Variants in SYTL1 observed in about 807,000 individuals in gnomAD.
The protein encoded by SYTL1 is synaptotagmin like 1.
A neutral mutation model predicts 74.6 loss-of-function variants in SYTL1; 53 were observed. The observed-to-expected ratio is 0.71, with a 90% CI of 0.57 to 0.89. SYTL1 has a LOEUF of 0.89. Ranked by LOEUF, SYTL1 falls within the 40% of genes least tolerant of loss-of-function variation. The probability of loss-of-function intolerance (pLI) is 0.00; values close to 1 mark genes in which losing one functional copy is unlikely to be tolerated. For synonymous variants in SYTL1, 329 were observed against 324.9 expected, an observed-to-expected ratio of 1.01 and a Z score of -0.14; for missense variants, 728 against 768.7, an observed-to-expected ratio of 0.95 and a Z score of 0.63.
chr1:27,346,784 G>A (rs2015021376), intron 2 of SYTL1, among the ~76,000 whole-genome samples: 4 of 151,512 alleles, frequency 2.6e-5, no homozygotes, highest in South Asian at 2.1e-4. Flanking sequence ...AAAATTAAAA[G>A]TATAATAATT....
chr1:27,344,292 G>A (rs907163428), intron 1 of SYTL1, among the ~76,000 whole-genome samples: 6 of 152,008 alleles, frequency 3.9e-5, no homozygotes, highest in Non-Finnish European at 7.4e-5. Context: ...TAGTAGAGAC[G>A]GGGTTTCTCC....
chr1:27,349,040 C>A, intron 5 of SYTL1, 40 bp from the exon 6 acceptor site: 1 of 1,507,028 alleles, frequency 6.6e-7, no homozygotes, highest in Non-Finnish European at 9.2e-7. Context: ...TCTTCCTCAC[C>A]AGCCCCCGTA....
chr1:27,347,424 G>T lies in SYTL1; in HGVS notation c.195G>T (p.Lys65Asn). ...LRQLEEGRVS[K>N]LRASVADPGQ... ...CACACCCTCCCCCTTCCTCCAGCAA[G>T]CTCCGGGCCTCAGTGGCAGACCCTG... Residue 65 changes from lysine (K) to asparagine (N), a missense_variant, in exon 3 of 15, where the codon AAG becomes AAT. Transcript: ENST00000616558. The surrounding 1 kb of genome is among the most constrained non-coding windows in gnomAD (Gnocchi z 4.9). 6.2e-7 allele frequency: 1 copy of T among 1,614,078 alleles called. No individual in the cohort carries two copies. Among genetic ancestry groups the T allele is most frequent in the Non-Finnish European group, 8.5e-7 (1 of 1,180,032 alleles).
At chr1:27,353,165 G>C in intron 13 of SYTL1, 118 bp from the exon 14 acceptor site, 1 of 1,055,912 alleles carries the variant, frequency 9.5e-7, no homozygotes, top group East Asian at 2.6e-5. Flanking sequence ...TCTAAGGCCA[G>C]GCAGGCAGGA....
intron 8 of SYTL1, 76 bp downstream of exon 8, chr1:27,349,841 C>T: frequency 6.5e-7 from 1 of 1,538,744 alleles, no homozygotes; most frequent in South Asian, 1.2e-5. Flanking sequence ...CTGCCCCTCC[C>T]TCGCCGCGGG....
At chr1:27,346,222 G>A (rs896836691) in intron 2 of SYTL1, among the ~76,000 whole-genome samples, 4 of 151,984 alleles carry the variant, frequency 2.6e-5, no homozygotes, top group Non-Finnish European at 4.4e-5. Flanking sequence ...ACTCCGACCC[G>A]ACACACAGAC....
Position 27,347,918 on chromosome 1 carries a change from CCAGTCA to C in SYTL1, c.413+40_414-42del. ...CTCAGGAAGGGGGAGATGGTGCCCA[CCAGTCA>C]CCAGGGTCCCTCCCTCTGAGAGCGT... is the stretch of plus-strand genomic sequence containing the variant. On this transcript the variant is annotated intron_variant, in intron 4 of 14. Transcript: ENST00000616558. This position sits in a 1 kb window ranked among gnomAD's most constrained non-coding sequence, Gnocchi z 4.9. 6.2e-7 allele frequency: 1 copy of C among 1,613,214 alleles called. No homozygotes were observed. The highest frequency in any genetic ancestry group is 8.5e-7 in the Non-Finnish European group (1 of 1,179,142).
chr1:27,346,445 G>A (rs1357229790), intron 2 of SYTL1, among the ~76,000 whole-genome samples: 1 of 152,174 alleles, frequency 6.6e-6, no homozygotes, highest in African/African-American at 2.4e-5. Context: ...TGTAAAATGG[G>A]GCTAAGGAGT....
rs75465221 is a variant in SYTL1, at chr1:27,342,754, C to T, written c.-39+604C>T. ...AGCAACTACACAGCTCACAGACTCA[C>T]GCAACGCAGACATGCCCACCAGACT... On this transcript the variant is annotated intron_variant, in intron 1 of 14. Transcript: ENST00000616558. This position sits in a 1 kb window ranked among gnomAD's most constrained non-coding sequence, Gnocchi z 4.7. Among the ~76,000 whole-genome samples the T allele has an allele frequency of 4.5e-3, 690 of 152,340 alleles. 1 individual carries two copies. The highest frequency in any genetic ancestry group is 0.01 in the Middle Eastern group (3 of 294).
intron 13 of SYTL1, chr1:27,353,081 C>T (rs1388001632): frequency 2.3e-5 from 14 of 610,590 alleles, no homozygotes; most frequent in East Asian, 2.0e-4. Flanking sequence ...CAACCTCGCC[C>T]GGCCAGGAGC....
In SYTL1 at chr1:27,342,416, G is replaced by T. The variant is rs559136174; in HGVS notation, c.-39+266G>T. On this transcript the variant is annotated intron_variant, in intron 1 of 14. Coordinates refer to ENST00000616558, the MANE Select transcript of SYTL1 (RefSeq NM_001193308.2). The surrounding 1 kb of genome is among the most constrained non-coding windows in gnomAD (Gnocchi z 4.7). ...GTAGGAGAGGGGACTTCAGGGAGGGGGCACTGCTGAGGACGCTGGGCTGAT... is the reference window on the plus strand; with the variant it reads ...GTAGGAGAGGGGACTTCAGGGAGGGTGCACTGCTGAGGACGCTGGGCTGAT... 103 of 842,262 alleles carry T rather than the reference G, an allele frequency of 1.2e-4. 2 individuals are homozygous for T. In the South Asian group the frequency reaches 3.8e-3, roughly 31 times the overall value. The allele number at this position is 842,262 out of a possible 1,614,324, so 52.2% of individuals were successfully genotyped here.
rs763655530 is a variant in SYTL1 at position 27,350,032 on chromosome 1, G to A, written c.808G>A (p.Val270Met). Residue 270 changes from valine (V) to methionine (M), a missense_variant, in exon 9 of 15, where the codon GTG (valine) becomes ATG (methionine). Physicochemically the swap from Val to Met is conservative, Grantham distance 21. Coordinates refer to ENST00000616558, the MANE Select transcript of SYTL1 (RefSeq NM_001193308.2). The surrounding 1 kb of genome is among the most constrained non-coding windows in gnomAD (Gnocchi z 6.3). ...GGAGGCGGTGCAGGTCCGCGGCTCC[G>A]TGCACTTCGCGCTGCACTACGAGCC... ...DAEAVQVRGSVHFALHYEPGA... is the reference protein window; with the variant it reads ...DAEAVQVRGSMHFALHYEPGA... The A allele has an allele frequency of 3.2e-6, 5 of 1,545,572 alleles. No homozygotes were observed. Among genetic ancestry groups the A allele is most frequent in the Non-Finnish European group, 4.3e-6 (5 of 1,155,386 alleles).
intron 1 of SYTL1, among the ~76,000 whole-genome samples, chr1:27,344,128 A>G (rs1430653204): frequency 6.7e-6 from 1 of 149,628 alleles, no homozygotes; most frequent in Non-Finnish European, 1.5e-5. Context: ...TTTTTGGAGG[A>G]GTTTCACTCT....
intron 13 of SYTL1, 154 bp from the exon 14 acceptor site, chr1:27,353,129 G>A (rs1228692556): frequency 5.4e-6 from 4 of 744,916 alleles, no homozygotes; most frequent in Middle Eastern, 3.5e-4. Flanking sequence ...GAGGAGGCTG[G>A]TGCAAAGGTC....
rs1241234513 is a variant in SYTL1 at position 27,345,160 on chromosome 1, C to T, written c.-38-137C>T. 3.8e-6 allele frequency: 2 copies of T among 528,232 alleles called. No individual in the cohort carries two copies. The highest frequency in any genetic ancestry group is 6.5e-5 in the East Asian group (2 of 30,890). The allele number at this position is 528,232 out of a possible 1,614,324, so 32.7% of individuals were successfully genotyped here. A position where few individuals can be genotyped will look rare whatever the true frequency, so the allele number is the denominator to read the frequency against. On this transcript the variant is annotated intron_variant, in intron 1 of 14. Transcript: ENST00000616558. This position sits in a 1 kb window ranked among gnomAD's most constrained non-coding sequence, Gnocchi z 6.0. ...TGCATGTGTGCATGAGTGTCTCTCA[C>T]CCCACCTTGAGCTCAGCCATCCTGG...
At chr1:27,353,186 A>G in intron 13 of SYTL1, 97 bp from the exon 14 acceptor site, 2 of 1,253,364 alleles carry the variant, frequency 1.6e-6, no homozygotes, top group Non-Finnish European at 2.3e-6. Flanking sequence ...GCCAGGGGAC[A>G]TGGACATATG....
At position 27,347,786 on chromosome 1, in the gene SYTL1, A is replaced by T; in HGVS notation, c.341-22A>T. The T allele has an allele frequency of 6.2e-7, 1 of 1,607,052 alleles. No homozygotes were observed. Among genetic ancestry groups the T allele is most frequent in the Admixed American group, 1.7e-5 (1 of 59,260 alleles). On this transcript the variant is annotated intron_variant, in intron 3 of 14. Transcript: ENST00000616558. This position sits in a 1 kb window ranked among gnomAD's most constrained non-coding sequence, Gnocchi z 4.9. ...AGGCTTCCTGAGCATGGGGGCTCAC[A>T]GAACTTCTCACCTGCGCCCAGGAGA...
At chr1:27,349,241 G>A in intron 6 of SYTL1, 89 bp downstream of exon 6, 4 of 1,515,576 alleles carry the variant, frequency 2.6e-6, no homozygotes, top group East Asian at 4.6e-5. Context: ...GTTCACCCTC[G>A]TCACCCCCAC....
rs149971241 is a variant in SYTL1, at chr1:27,344,963, T to C, written c.-38-334T>C. 674 of 165,440 alleles carry C rather than the reference T, an allele frequency of 4.1e-3. 8 individuals carry two copies. The highest frequency in any genetic ancestry group is 0.015 in the African/African-American group (630 of 41,990). 10.2% of individuals were successfully genotyped at this position (165,440 alleles called of 1,614,324 possible). On this transcript the variant is annotated intron_variant, in intron 1 of 14. Coordinates refer to ENST00000616558, the MANE Select transcript of SYTL1 (RefSeq NM_001193308.2). ...ACAGCTGTGCATGCGCCTGTCTTTA[T>C]GCAGGTGTCTGTGTGCATGTGCGAC... is the stretch of plus-strand genomic sequence containing the variant.
Sources: gnomAD v4.1 joint callset for allele counts (sites outside exome capture counted in the v4.1 genomes callset) on GRCh38, gnomAD v4.1.1 for gene constraint, Gnocchi (gnomAD v3.1) non-coding constraint, MANE v1.5 for transcripts, NCBI Gene and HGNC (gene_info 2026-07-23, HGNC 2026-07-21) for gene names.